MRPL22: variants seen among roughly 807,000 people sequenced by gnomAD.
MRPL22 encodes the protein large ribosomal subunit protein uL22m.
In MRPL22, 27 loss-of-function variants were observed where a neutral mutation model predicts 32.4. The ratio of observed to expected loss-of-function variants is 0.83; its 90% CI spans 0.61 to 1.15. The LOEUF (loss-of-function observed/expected upper bound fraction) is 1.15, where lower values mean the gene tolerates loss of function less well. Among genes scored for constraint, MRPL22 ranks in the 50% most tolerant of loss-of-function variants. MRPL22 has a pLI of 0.00. For missense variants in MRPL22, 239 were observed against 260.2 expected, an observed-to-expected ratio of 0.92 and a Z score of 0.56; for synonymous variants, 86 against 87.3, an observed-to-expected ratio of 0.99 and a Z score of 0.08.
chr5:154,960,995 C>T (rs888932064), intron 6 of MRPL22, among the ~76,000 whole-genome samples: 6 of 152,048 alleles, frequency 3.9e-5, no homozygotes, highest in African/African-American at 1.4e-4. Flanking sequence ...AGGGCTGAAT[C>T]AATACAGGGG....
At chr5:154,941,501 G>C (rs1418590777) in intron 2 of MRPL22, among the ~76,000 whole-genome samples, 2 of 152,152 alleles carry the variant, frequency 1.3e-5, no homozygotes, top group Admixed American at 1.3e-4. Context: ...ATTTCCGAAC[G>C]TCTACTGTGA....
chr5:154,941,423 C>G (rs1764413776), intron 2 of MRPL22, among the ~76,000 whole-genome samples, 158 bp downstream of exon 2: 1 of 152,096 alleles, frequency 6.6e-6, no homozygotes, highest in South Asian at 2.1e-4. Flanking sequence ...TCTATTTTTT[C>G]TCCACCTTAT....
intron 3 of MRPL22, among the ~76,000 whole-genome samples, chr5:154,952,679 A>G (rs1764579323): frequency 6.6e-6 from 1 of 152,210 alleles, no homozygotes; most frequent in Non-Finnish European, 1.5e-5. Flanking sequence ...TACCCTTCAT[A>G]AATACCTAAC....
intron 5 of MRPL22, among the ~76,000 whole-genome samples, chr5:154,957,522 T>A (rs1764646040): frequency 6.6e-6 from 1 of 152,206 alleles, no homozygotes; most frequent in African/African-American, 2.4e-5. Context: ...TGTGTGTATT[T>A]GTGTGTATGT....
intron 3 of MRPL22, among the ~76,000 whole-genome samples, chr5:154,951,332 G>A (rs1490187135): frequency 7.7e-6 from 1 of 129,470 alleles, no homozygotes; most frequent in African/African-American, 2.7e-5. Flanking sequence ...ACTGTTTTTT[G>A]TTTGTTTGTT....
chr5:154,966,431 T>G (rs1764767635), intron 6 of MRPL22, among the ~76,000 whole-genome samples: 1 of 152,228 alleles, frequency 6.6e-6, no homozygotes, highest in African/African-American at 2.4e-5. Flanking sequence ...TTTTACGTCT[T>G]TCTTCTCCAG....
Position 154,961,838 on chromosome 5 carries a change from G to A in MRPL22, c.409+1789G>A, listed in dbSNP as rs905264585. On this transcript the variant is annotated intron_variant, in intron 6 of 6. Transcript: ENST00000523037. ...AGTAGCTGGGACTAGAGGCACGTAC[G>A]AGCACACTTAGCTAATTTTAAAATT... Among the ~76,000 whole-genome samples the A allele has an allele frequency of 6.6e-5, 10 of 152,080 alleles. No individual in the cohort carries two copies. In the South Asian group the frequency reaches 1.9e-3, roughly 28 times the overall value.
chr5:154,966,563 T>C, intron 6 of MRPL22, 123 bp from the exon 7 acceptor site: 1 of 975,950 alleles, frequency 1.0e-6, no homozygotes, highest in Non-Finnish European at 1.5e-6. Flanking sequence ...ACAAGCCTGC[T>C]CTAGCCAACC....
intron 4 of MRPL22, chr5:154,956,702 C>A: frequency 2.5e-6 from 1 of 398,666 alleles, no homozygotes; most frequent in South Asian, 4.7e-5. Flanking sequence ...CCAGGAAACC[C>A]ACCTATTTAT....
intron 5 of MRPL22, among the ~76,000 whole-genome samples, chr5:154,958,003 G>A (rs1348489531): frequency 2.9e-5 from 4 of 139,962 alleles, no homozygotes; most frequent in Admixed American, 2.4e-4. Flanking sequence ...TGCAGTCTCC[G>A]CCTCCTGCGT....
intron 2 of MRPL22, among the ~76,000 whole-genome samples, chr5:154,942,919 G>C (rs1204549123): frequency 6.6e-6 from 1 of 152,122 alleles, no homozygotes; most frequent in African/African-American, 2.4e-5. Context: ...TTTGCCTTTA[G>C]TCTTTTCCTC....
chr5:154,942,577 T>C (rs1764434075), intron 2 of MRPL22, among the ~76,000 whole-genome samples: 1 of 152,244 alleles, frequency 6.6e-6, no homozygotes, highest in African/African-American at 2.4e-5. Context: ...TCTTGGCTTT[T>C]CCTACTATGC....
At chr5:154,957,371 A>T (rs1291140788) in intron 5 of MRPL22, among the ~76,000 whole-genome samples, 159 bp downstream of exon 5, 4 of 152,206 alleles carry the variant, frequency 2.6e-5, no homozygotes, top group Non-Finnish European at 5.9e-5. Context: ...AGTTTATTAA[A>T]TATGTGTATA....
chr5:154,951,028 A>C (rs1008219785), intron 3 of MRPL22, 90 bp downstream of exon 3: 8 of 846,034 alleles, frequency 9.5e-6, no homozygotes, highest in Non-Finnish European at 1.5e-5. Context: ...GTGTTAAAAA[A>C]ATTATACAAC....
chr5:154,957,919 T>C (rs73280717), intron 5 of MRPL22, among the ~76,000 whole-genome samples: 4,916 of 145,018 alleles, frequency 0.034, 112 homozygotes, highest in African/African-American at 0.067. Flanking sequence ...TTTTTCTTTT[T>C]TTTTTTTTTT....
chr5:154,958,778 C>T (rs1764664965), intron 5 of MRPL22, among the ~76,000 whole-genome samples: 2 of 151,930 alleles, frequency 1.3e-5, no homozygotes, highest in African/African-American at 4.8e-5. Flanking sequence ...ATCTCTTGAC[C>T]TCATGATCTG....
chr5:154,947,899 A>G (rs904234917), intron 2 of MRPL22, among the ~76,000 whole-genome samples: 11 of 152,220 alleles, frequency 7.2e-5, no homozygotes, highest in African/African-American at 2.7e-4. Context: ...AAACAGGATA[A>G]GCATTTCATT....
chr5:154,942,034 A>G (rs1383911664), intron 2 of MRPL22, among the ~76,000 whole-genome samples: 1 of 152,222 alleles, frequency 6.6e-6, no homozygotes, highest in Non-Finnish European at 1.5e-5. Context: ...CTTATTCTTA[A>G]TAAGCTTCAG....
chr5:154,961,668 C>A (rs1329322458), intron 6 of MRPL22, among the ~76,000 whole-genome samples: 1 of 152,122 alleles, frequency 6.6e-6, no homozygotes, highest in Non-Finnish European at 1.5e-5. Context: ...ACCAATCCTA[C>A]ATAAATGACC....
Sources: allele counts gnomAD v4.1 joint callset (sites outside exome capture counted in the v4.1 genomes callset), GRCh38; gene constraint gnomAD v4.1.1; transcripts MANE v1.5; gene names NCBI Gene and HGNC (gene_info 2026-07-23, HGNC 2026-07-21).